SHTN1: variants seen among roughly 807,000 people sequenced by gnomAD.
SHTN1 encodes shootin 1.
SHTN1 carries 42 observed loss-of-function variants against 83.1 expected under a neutral mutation model. That is an observed-to-expected ratio of 0.51 (90% confidence interval 0.39 to 0.65). The LOEUF is 0.65. Among genes scored for constraint, SHTN1 ranks in the 30% least tolerant of loss-of-function variants. The pLI is 0.00. For synonymous variants in SHTN1, 224 were observed against 247.7 expected, an observed-to-expected ratio of 0.90 and a Z score of 0.90; for missense variants, 622 against 737.8, an observed-to-expected ratio of 0.84 and a Z score of 1.82.
chr10:117,020,345 A>C (rs1852242020), intron 2 of SHTN1, among the ~76,000 whole-genome samples: 1 of 151,600 alleles, frequency 6.6e-6, no homozygotes, highest in Non-Finnish European at 1.5e-5. Flanking sequence ...AAAAAAAAAA[A>C]AAAATTAGCC....
rs113619593 is a variant in SHTN1 at position 117,028,003 on chromosome 10, G to A, written c.-123+20442C>T. Among the ~76,000 whole-genome samples, 1,087 of 152,266 alleles carry A rather than the reference G, an allele frequency of 7.1e-3. 17 individuals carry two copies. The highest frequency in any genetic ancestry group is 0.025 in the African/African-American group (1,028 of 41,542). On this transcript the variant is annotated intron_variant, in intron 2 of 17. Coordinates refer to the SHTN1 transcript ENST00000392901. ...CTTCCTAGAGACTTGTTGAATGGTC[G>A]TGGCCAAATTGCTGATAGTGGTATT... is the stretch of plus-strand genomic sequence containing the variant.
intron 2 of SHTN1, 69 bp downstream of exon 2, chr10:116,979,187 G>C: frequency 7.8e-7 from 1 of 1,283,962 alleles, no homozygotes. Flanking sequence ...ATTGGTGACT[G>C]AACAATGCAC....
intron 1 of SHTN1, among the ~76,000 whole-genome samples, chr10:117,096,268 T>C (rs1257078934): frequency 6.6e-6 from 1 of 152,232 alleles, no homozygotes; most frequent in Non-Finnish European, 1.5e-5. Flanking sequence ...AAACAAACTT[T>C]GCACAATGGC....
chr10:116,950,047 G>A (rs1015543602), intron 6 of SHTN1, among the ~76,000 whole-genome samples: 1 of 152,160 alleles, frequency 6.6e-6, no homozygotes, highest in Non-Finnish European at 1.5e-5. Context: ...AATAACAGTT[G>A]TTTAGGGAAA....
intron 4 of SHTN1, among the ~76,000 whole-genome samples, chr10:116,957,582 A>G (rs1850030655): frequency 6.6e-6 from 1 of 152,078 alleles, no homozygotes; most frequent in Non-Finnish European, 1.5e-5. Flanking sequence ...ACCCTACAGT[A>G]ACAGAACCTA....
At chr10:116,944,177 T>A (rs563293408) in intron 8 of SHTN1, among the ~76,000 whole-genome samples, 2 of 152,190 alleles carry the variant, frequency 1.3e-5, no homozygotes. Flanking sequence ...TGGAGATACA[T>A]CCCAGATTTT....
intron 1 of SHTN1, among the ~76,000 whole-genome samples, chr10:116,983,453 T>C (rs1392916226): frequency 6.6e-6 from 1 of 152,168 alleles, no homozygotes; most frequent in Admixed American, 6.5e-5. Flanking sequence ...AAAGATCTAC[T>C]GCAAACAATT....
intron 7 of SHTN1, among the ~76,000 whole-genome samples, chr10:116,948,432 T>C (rs924154479): frequency 5.3e-5 from 8 of 152,206 alleles, no homozygotes; most frequent in African/African-American, 1.9e-4. Flanking sequence ...AGGCAGGAAA[T>C]GTGCAAGACC....
rs569698155 is a variant in SHTN1 at position 116,886,067 on chromosome 10, T to C, written c.*277A>G. On this transcript the variant is annotated 3_prime_UTR_variant, in exon 17 of 17. Coordinates refer to ENST00000355371, the MANE Select transcript of SHTN1 (RefSeq NM_001127211.3). ...AAAGGTATCAACATCTGAATTTTTTTGTAACCTTCTAAAAGAAGTCATACT... is the reference window on the plus strand; with the variant it reads ...AAAGGTATCAACATCTGAATTTTTTCGTAACCTTCTAAAAGAAGTCATACT... The C allele has an allele frequency of 4.8e-6, 2 of 416,958 alleles. No homozygotes were observed. Among genetic ancestry groups the C allele is most frequent in the Admixed American group, 8.1e-5 (2 of 24,760 alleles). 25.8% of individuals were successfully genotyped at this position (416,958 alleles called of 1,614,324 possible).
intron 13 of SHTN1, among the ~76,000 whole-genome samples, chr10:116,914,882 T>A (rs965123174): frequency 6.6e-6 from 1 of 152,172 alleles, no homozygotes; most frequent in Non-Finnish European, 1.5e-5. Flanking sequence ...AAAACAATCA[T>A]ATAAGTCTCA....
chr10:116,890,760 T>C (rs997849534), intron 16 of SHTN1, among the ~76,000 whole-genome samples: 1 of 152,202 alleles, frequency 6.6e-6, no homozygotes, highest in Non-Finnish European at 1.5e-5. Flanking sequence ...GGCAACTTAC[T>C]AGTAAAAGGA....
At chr10:117,039,342 T>C (rs1419233128) in intron 2 of SHTN1, among the ~76,000 whole-genome samples, 4 of 152,150 alleles carry the variant, frequency 2.6e-5, no homozygotes, top group African/African-American at 9.7e-5. Flanking sequence ...GAGGGATGAA[T>C]AGGCAGAGCA....
At chr10:117,066,129 T>G (rs1324681356) in intron 1 of SHTN1, among the ~76,000 whole-genome samples, 2 of 152,100 alleles carry the variant, frequency 1.3e-5, no homozygotes, top group Non-Finnish European at 2.9e-5. Context: ...ATACACAAGA[T>G]TCCATGTCTA....
At chr10:117,027,811 A>C (rs2133569494) in intron 2 of SHTN1, among the ~76,000 whole-genome samples, 1 of 152,286 alleles carries the variant, frequency 6.6e-6, no homozygotes, top group Middle Eastern at 3.4e-3. Flanking sequence ...GCATTTCTTT[A>C]TAGCAATATG....
intron 2 of SHTN1, among the ~76,000 whole-genome samples, chr10:117,033,477 C>G (rs1852450189): frequency 6.6e-6 from 1 of 151,968 alleles, no homozygotes; most frequent in Non-Finnish European, 1.5e-5. Flanking sequence ...AAGACTGAAT[C>G]ATGAAGAAAT....
At chr10:116,963,946 T>C (rs550366632) in intron 3 of SHTN1, among the ~76,000 whole-genome samples, 63 of 151,776 alleles carry the variant, frequency 4.2e-4, no homozygotes, top group African/African-American at 1.5e-3. Flanking sequence ...AATGGCAGTG[T>C]AGTACACATC....
At chr10:116,975,853 G>C (rs1175565366) in intron 2 of SHTN1, among the ~76,000 whole-genome samples, 1 of 152,118 alleles carries the variant, frequency 6.6e-6, no homozygotes, top group Non-Finnish European at 1.5e-5. Flanking sequence ...TTTGACATAA[G>C]ATTGATTTGA....
chr10:116,938,726 G>T (rs550562935), intron 9 of SHTN1, among the ~76,000 whole-genome samples: 1 of 152,158 alleles, frequency 6.6e-6, no homozygotes, highest in East Asian at 1.9e-4. Flanking sequence ...CTTCAGAGTC[G>T]GCAGGCAGGA....
At chr10:117,012,709 C>T (rs988114317) in intron 2 of SHTN1, among the ~76,000 whole-genome samples, 5 of 151,758 alleles carry the variant, frequency 3.3e-5, no homozygotes, top group South Asian at 2.1e-4. Flanking sequence ...TTTTTAAATA[C>T]GATGCCAAAA....
Sources: allele counts gnomAD v4.1 joint callset (sites outside exome capture counted in the v4.1 genomes callset), GRCh38; gene constraint gnomAD v4.1.1; transcripts MANE v1.5; gene names NCBI Gene and HGNC (gene_info 2026-07-23, HGNC 2026-07-21).